The following METAP1D variants were observed in gnomAD, a reference collection of about 807,000 sequenced individuals.
METAP1D encodes methionyl aminopeptidase type 1D, mitochondrial.
METAP1D carries 31 observed loss-of-function variants against 40.5 expected under a neutral mutation model. That is an observed-to-expected ratio of 0.77 (90% confidence interval 0.58 to 1.03). The LOEUF (loss-of-function observed/expected upper bound fraction) is 1.03. METAP1D is among the 50% of genes least tolerant of loss of function. The pLI is 0.00. For synonymous variants in METAP1D, 151 were observed against 146.4 expected, an observed-to-expected ratio of 1.03 and a Z score of -0.22; for missense variants, 411 against 420.7, an observed-to-expected ratio of 0.98 and a Z score of 0.20.
chr2:172,007,611 T>C (rs561103797), intron 1 of METAP1D, among the ~76,000 whole-genome samples: 1 of 152,208 alleles, frequency 6.6e-6, no homozygotes, highest in East Asian at 1.9e-4. Flanking sequence ...TGCCAAGATA[T>C]AGTTGCTTCA....
intron 1 of METAP1D, among the ~76,000 whole-genome samples, chr2:172,031,800 G>T (rs1158227709): frequency 2.0e-5 from 3 of 152,220 alleles, no homozygotes; most frequent in Non-Finnish European, 4.4e-5. Flanking sequence ...GAGGAGTGTT[G>T]TGGAATTCGA....
In METAP1D at chr2:172,070,896, C is replaced by G. The variant is rs374160562; in HGVS notation, c.541-11C>G. 2 of 1,573,610 alleles carry G rather than the reference C, an allele frequency of 1.3e-6. No individual in the cohort carries two copies. Among genetic ancestry groups the G allele is most frequent in the South Asian group, 2.4e-5 (2 of 84,170 alleles). Reference sequence around the variant, plus strand: ...ACAAGGACATATTTTTAAATTTCTGCTTATGTTTAGGTCTATTACAATGGC... The same window carrying G: ...ACAAGGACATATTTTTAAATTTCTGGTTATGTTTAGGTCTATTACAATGGC... On this transcript the variant is annotated splice_polypyrimidine_tract_variant and intron_variant, in intron 5 of 9. Transcript: ENST00000315796.
intron 1 of METAP1D, among the ~76,000 whole-genome samples, chr2:172,016,316 TATATATATATATATAA>T (rs1315969017): frequency 6.1e-5 from 6 of 97,952 alleles, no homozygotes; most frequent in Non-Finnish European, 8.4e-5. Flanking sequence ...TATATATATA[TATATATATATATATAA>T]ATAGTCCAGG....
intron 1 of METAP1D, among the ~76,000 whole-genome samples, chr2:172,032,507 A>T (rs2105415299): frequency 6.6e-6 from 1 of 152,358 alleles, no homozygotes; most frequent in Admixed American, 6.5e-5. Flanking sequence ...CTGGTTAAGT[A>T]GAAGGAAAGA....
rs752740459 is a variant in METAP1D, at chr2:172,065,682, G to A, written c.427G>A (p.Gly143Ser). 6 of 1,613,924 alleles carry A rather than the reference G, an allele frequency of 3.7e-6. No individual in the cohort carries two copies. The highest frequency in any genetic ancestry group is 3.4e-6 in the Non-Finnish European group (4 of 1,179,898). The change falls in exon 4 of 10, where the codon GGC becomes AGC. Residue 143 changes from glycine (G) to serine (S), a missense_variant. Transcript: ENST00000315796. ...ISHNAYPSPL[G>S]YGGFPKSVCT... is the part of the protein sequence containing the mutation. ...TCATAATGCCTATCCCTCACCTCTAGGCTATGGAGGTTTTCCAAAATCTGT... is the reference window on the plus strand; with the variant it reads ...TCATAATGCCTATCCCTCACCTCTAAGCTATGGAGGTTTTCCAAAATCTGT...
intron 1 of METAP1D, among the ~76,000 whole-genome samples, chr2:172,021,385 A>C (rs902574210): frequency 6.6e-6 from 1 of 152,204 alleles, no homozygotes; most frequent in Admixed American, 6.5e-5. Context: ...AAATGGTCTA[A>C]TGTTTCATTG....
chr2:172,071,054 A>T lies in METAP1D; in HGVS notation c.688A>T (p.Ile230Phe), dbSNP rs1342790180. The T allele has an allele frequency of 2.5e-6, 4 of 1,610,750 alleles. No individual in the cohort carries two copies. The African/African-American group carries it at 4.0e-5, about 16-fold the overall frequency. Residue 230 changes from isoleucine to phenylalanine, a missense_variant, in exon 6 of 10, where the codon ATT (isoleucine) becomes TTT (phenylalanine). Transcript: ENST00000315796. ...ACRAGAPFSV[I>F]GNTISHITHQ... ...CAGAGCAGGGGCTCCCTTCTCTGTAATTGGAAACACAATCAGGTAAGCCTT... is the reference window on the plus strand; with the variant it reads ...CAGAGCAGGGGCTCCCTTCTCTGTATTTGGAAACACAATCAGGTAAGCCTT...
In METAP1D at chr2:171,999,981, C is replaced by A; in HGVS notation, c.12C>A (p.Pro4=). Residue 4 remains proline, a synonymous_variant, in exon 1 of 10, where the codon CCC becomes CCA. Transcript: ENST00000315796. The part of the protein sequence containing the change: MAA[P]SGVHLLVRRG... ...TGACCGACGCCAACATGGCGGCGCC[C>A]AGTGGCGTCCACCTGCTCGTCCGCA... The A allele has an allele frequency of 7.4e-7, 1 of 1,352,554 alleles. No homozygotes were observed. The highest frequency in any genetic ancestry group is 1.8e-5 in the South Asian group (1 of 54,306). 83.8% of individuals were successfully genotyped at this position (1,352,554 alleles called of 1,614,324 possible). A position where few individuals can be genotyped will look rare whatever the true frequency, so the allele number is the denominator to read the frequency against.
intron 1 of METAP1D, among the ~76,000 whole-genome samples, chr2:172,022,492 T>C (rs1673599785): frequency 6.6e-6 from 1 of 152,194 alleles, no homozygotes; most frequent in Admixed American, 6.5e-5. Context: ...ACAGCAGTTA[T>C]TAAACAAATA....
chr2:172,071,803 A>G (rs990384178), intron 6 of METAP1D, among the ~76,000 whole-genome samples: 5 of 152,192 alleles, frequency 3.3e-5, no homozygotes, highest in Admixed American at 1.3e-4. Flanking sequence ...TGATCACATC[A>G]GTGCCCTTTA....
At chr2:172,063,897 G>C (rs1377979182) in intron 3 of METAP1D, 37 bp downstream of exon 3, 1 of 1,538,374 alleles carries the variant, frequency 6.5e-7, no homozygotes, top group Admixed American at 2.2e-5. Context: ...ACTTACATAA[G>C]GGGCAACAAA....
At position 172,002,672 on chromosome 2, in the gene METAP1D, A is replaced by G. The variant is rs188723526; in HGVS notation, c.40+2663A>G. Among the ~76,000 whole-genome samples, 47 of 152,270 alleles carry G rather than the reference A, an allele frequency of 3.1e-4. No homozygotes were observed. The East Asian group carries it at 7.9e-3, about 26-fold the overall frequency. ...CTACCCATAGCTAGTTTTAAATTGC[A>G]GAGAGGTTTTCCTGCTCCCCACCCC... On this transcript the variant is annotated intron_variant, in intron 1 of 9. Transcript: ENST00000315796.
chr2:172,030,784 C>G (rs1689224913), intron 1 of METAP1D, among the ~76,000 whole-genome samples: 1 of 152,136 alleles, frequency 6.6e-6, no homozygotes, highest in African/African-American at 2.4e-5. Context: ...TTTAGCTTCT[C>G]TAAATATTTA....
chr2:172,038,253 A>T (rs111501636), intron 1 of METAP1D, among the ~76,000 whole-genome samples: 1 of 152,218 alleles, frequency 6.6e-6, no homozygotes, highest in African/African-American at 2.4e-5. Flanking sequence ...TTTTGTTTTC[A>T]TTGCAATTGT....
At chr2:172,000,164 C>T (rs552682294) in intron 1 of METAP1D, among the ~76,000 whole-genome samples, 155 bp downstream of exon 1, 6 of 152,372 alleles carry the variant, frequency 3.9e-5, no homozygotes, top group Non-Finnish European at 8.8e-5. Flanking sequence ...CACGATGACA[C>T]ATTCACACAC....
intron 1 of METAP1D, among the ~76,000 whole-genome samples, chr2:172,058,899 G>A (rs1035874450): frequency 7.9e-5 from 12 of 152,116 alleles, no homozygotes; most frequent in African/African-American, 2.9e-4. Context: ...GAGATCCAGA[G>A]TTTTGAAGCC....
intron 1 of METAP1D, among the ~76,000 whole-genome samples, chr2:172,059,788 C>G (rs1468040056): frequency 6.6e-6 from 1 of 152,164 alleles, no homozygotes; most frequent in Non-Finnish European, 1.5e-5. Context: ...GCGGTGGCTA[C>G]GCCCGTAATC....
Position 172,005,758 on chromosome 2 carries a change from C to T in METAP1D, c.40+5749C>T, listed in dbSNP as rs572129085. 7.4e-4 allele frequency among the ~76,000 whole-genome samples: 112 copies of T among 151,594 alleles called. No homozygotes were observed. In the East Asian group the frequency reaches 0.022, roughly 29 times the overall value. ...TTCACCATGTTGGCCAGGCTGATCTCAAACTCCTGACCCAAATGATCCACC... is the reference window on the plus strand; with the variant it reads ...TTCACCATGTTGGCCAGGCTGATCTTAAACTCCTGACCCAAATGATCCACC... On this transcript the variant is annotated intron_variant, in intron 1 of 9. Coordinates refer to ENST00000315796, the MANE Select transcript of METAP1D (RefSeq NM_199227.3).
At chr2:172,005,546 C>T (rs377693285) in intron 1 of METAP1D, among the ~76,000 whole-genome samples, 126 of 74,858 alleles carry the variant, frequency 1.7e-3, no homozygotes, top group South Asian at 3.1e-3. Context: ...ATATATATAT[C>T]TTTTTTTTTT....
Sources: gnomAD v4.1 joint callset for allele counts (sites outside exome capture counted in the v4.1 genomes callset) on GRCh38, gnomAD v4.1.1 for gene constraint, MANE v1.5 for transcripts, NCBI Gene and HGNC (gene_info 2026-07-23, HGNC 2026-07-21) for gene names.